Variants in CCDC73 observed in about 807,000 individuals in gnomAD.
CCDC73 encodes coiled-coil domain-containing protein 73.
Under a neutral mutation model 116.5 loss-of-function variants are expected in CCDC73, and 95 were observed. The observed-to-expected ratio is 0.82, with a 90% confidence interval of 0.69 to 0.97. CCDC73 has a LOEUF of 0.97. Among genes scored for constraint, CCDC73 ranks in the 50% least tolerant of loss-of-function variants. The pLI is 0.00. For synonymous variants in CCDC73, 398 were observed against 401.3 expected (o/e 0.99, Z 0.10); for missense variants, 1,066 against 1,206.8 (o/e 0.88, Z 1.73).
chr11:32,719,264 T>G (rs12271181), intron 2 of CCDC73, among the ~76,000 whole-genome samples: 2 of 152,118 alleles, frequency 1.3e-5, no homozygotes, highest in African/African-American at 4.8e-5. Context: ...ACAGGCAGAG[T>G]TGAAAACTGC....
intron 1 of CCDC73, among the ~76,000 whole-genome samples, chr11:32,783,772 T>C (rs1271116982): frequency 4.6e-5 from 7 of 152,020 alleles, no homozygotes; most frequent in Admixed American, 1.3e-4. Context: ...ACGTATGAAT[T>C]TGGGGGAGAC....
At chr11:32,785,634 G>A (rs1391672648) in intron 1 of CCDC73, among the ~76,000 whole-genome samples, 2 of 152,000 alleles carry the variant, frequency 1.3e-5, no homozygotes, top group Non-Finnish European at 2.9e-5. Context: ...TGAACTCCTA[G>A]GCTCAAGCAA....
At chr11:32,678,262 G>T (rs897330752) in intron 7 of CCDC73, among the ~76,000 whole-genome samples, 2 of 152,114 alleles carry the variant, frequency 1.3e-5, no homozygotes, top group Admixed American at 6.5e-5. Context: ...CTGGGCACTA[G>T]AGTGAGACTC....
rs1375184300 is a variant in CCDC73, at chr11:32,653,237, T to C, written c.835-10A>G. 2 of 1,527,614 alleles carry C rather than the reference T, an allele frequency of 1.3e-6. No homozygotes were observed. Among genetic ancestry groups the C allele is most frequent in the East Asian group, 2.3e-5 (1 of 44,282 alleles). The allele number at this position is 1,527,614 out of a possible 1,614,324, so 94.6% of individuals were successfully genotyped here. A position where few individuals can be genotyped will look rare whatever the true frequency, so the allele number is the denominator to read the frequency against. On this transcript the variant is annotated splice_polypyrimidine_tract_variant and intron_variant, in intron 11 of 17. Transcript: ENST00000335185. ...AAGAAATGATGATATCCTTTGAAAA[T>C]ACACAAATATATCAATTTAAAAGTT...
chr11:32,757,989 G>A (rs549958372), intron 2 of CCDC73, among the ~76,000 whole-genome samples: 2 of 152,278 alleles, frequency 1.3e-5, no homozygotes, highest in South Asian at 4.1e-4. Context: ...GTATATGGGT[G>A]TTCACTGTAA....
At chr11:32,754,878 C>CTTTTTT (rs34982926) in intron 2 of CCDC73, among the ~76,000 whole-genome samples, 15 of 86,560 alleles carry the variant, frequency 1.7e-4, no homozygotes, top group Admixed American at 3.2e-4. Context: ...ATGGCTTCAA[C>CTTTTTT]TTTTTTTTTT....
chr11:32,767,109 G>C (rs1430913552), intron 1 of CCDC73, among the ~76,000 whole-genome samples: 1 of 152,132 alleles, frequency 6.6e-6, no homozygotes, highest in Non-Finnish European at 1.5e-5. Context: ...CATGGTACTG[G>C]TACCAAAACA....
chr11:32,629,921 C>CAAAAAAAA (rs367693675), intron 14 of CCDC73, among the ~76,000 whole-genome samples: 29 of 55,626 alleles, frequency 5.2e-4, no homozygotes, highest in Non-Finnish European at 7.7e-4. Flanking sequence ...AGCAGATATG[C>CAAAAAAAA]AAAAAAAAAA....
At chr11:32,749,270 T>C (rs1850266186) in intron 2 of CCDC73, among the ~76,000 whole-genome samples, 1 of 152,066 alleles carries the variant, frequency 6.6e-6, no homozygotes, top group African/African-American at 2.4e-5. Context: ...TCAAGCTCAC[T>C]AATTCTTTCT....
At chr11:32,700,738 G>A (rs1849804272) in intron 5 of CCDC73, 53 bp downstream of exon 5, 4 of 852,090 alleles carry the variant, frequency 4.7e-6, no homozygotes, top group Admixed American at 2.9e-5. Flanking sequence ...AAATTATTTT[G>A]TAAAAGTAAA....
intron 2 of CCDC73, among the ~76,000 whole-genome samples, chr11:32,753,860 C>T (rs550603585): frequency 2.0e-5 from 3 of 152,306 alleles, no homozygotes; most frequent in Admixed American, 2.0e-4. Context: ...GATCCTCCCA[C>T]CTCGGCCTAC....
chr11:32,630,153 C>G (rs1160950407), intron 14 of CCDC73, among the ~76,000 whole-genome samples: 2 of 152,012 alleles, frequency 1.3e-5, no homozygotes. Flanking sequence ...TGTATGATAA[C>G]AACAACACAA....
intron 9 of CCDC73, among the ~76,000 whole-genome samples, chr11:32,670,930 T>C (rs1202212836): frequency 2.6e-5 from 4 of 152,206 alleles, no homozygotes; most frequent in Non-Finnish European, 5.9e-5. Flanking sequence ...TTTTCTTTTA[T>C]ATATTAATTA....
At chr11:32,620,744 G>A (rs1356597177) in intron 14 of CCDC73, among the ~76,000 whole-genome samples, 1 of 152,006 alleles carries the variant, frequency 6.6e-6, no homozygotes, top group Non-Finnish European at 1.5e-5. Context: ...AACAGGAGGT[G>A]GGAATCACTT....
intron 12 of CCDC73, 21 bp from the exon 13 acceptor site, chr11:32,642,103 C>A (rs1565064433): frequency 1.3e-6 from 2 of 1,507,666 alleles, no homozygotes; most frequent in Non-Finnish European, 8.8e-7. Flanking sequence ...ATTAATTATC[C>A]AAAAAATAAT....
At chr11:32,791,471 T>C (rs1452361288) in intron 1 of CCDC73, among the ~76,000 whole-genome samples, 27 of 152,222 alleles carry the variant, frequency 1.8e-4, no homozygotes, top group Non-Finnish European at 1.5e-5. Context: ...TTAACTTTAA[T>C]CCGTATTTCC....
intron 2 of CCDC73, among the ~76,000 whole-genome samples, chr11:32,754,878 C>CAT (rs1330391640): frequency 2.3e-5 from 2 of 86,566 alleles, no homozygotes; most frequent in African/African-American, 4.1e-5. Flanking sequence ...ATGGCTTCAA[C>CAT]TTTTTTTTTT....
intron 2 of CCDC73, among the ~76,000 whole-genome samples, chr11:32,728,486 C>T (rs1850048163): frequency 6.6e-6 from 1 of 151,994 alleles, no homozygotes; most frequent in Non-Finnish European, 1.5e-5. Context: ...TAGGTCATGT[C>T]TCCTGGTTCC....
At chr11:32,667,516 G>A (rs142294575) in intron 9 of CCDC73, among the ~76,000 whole-genome samples, 2,585 of 152,218 alleles carry the variant, frequency 0.017, 75 homozygotes, top group African/African-American at 0.057. Flanking sequence ...TTGGAAAAGC[G>A]CAGTATTAGG....
Sources: allele counts gnomAD v4.1 joint callset (sites outside exome capture counted in the v4.1 genomes callset), GRCh38; gene constraint gnomAD v4.1.1; transcripts MANE v1.5; gene names NCBI Gene and HGNC (gene_info 2026-07-23, HGNC 2026-07-21).